Variants in CLDN10 observed in about 807,000 individuals in gnomAD.
CLDN10 encodes the protein claudin-10.
Under a neutral mutation model 22.9 loss-of-function variants are expected in CLDN10, and 15 were observed. The observed-to-expected ratio is 0.65, with a 90% CI of 0.44 to 1.01. The LOEUF (loss-of-function observed/expected upper bound fraction) is 1.01, where lower values mean the gene tolerates loss of function less well. Ranked by LOEUF, CLDN10 falls within the 50% of genes least tolerant of loss-of-function variation. The pLI, the probability that CLDN10 is intolerant of heterozygous loss-of-function variation, is 0.00. For missense variants in CLDN10, 247 were observed against 287.8 expected, an observed-to-expected ratio of 0.86 and a Z score of 1.03; for synonymous variants, 114 against 111.4, an observed-to-expected ratio of 1.02 and a Z score of -0.15.
At chr13:95,540,301 AAAATAAATAAATAAAT>A (rs57019843) in intron 1 of CLDN10, among the ~76,000 whole-genome samples, 12 of 142,830 alleles carry the variant, frequency 8.4e-5, no homozygotes, top group South Asian at 2.4e-4. Context: ...CTCTGTCTCA[AAAATAAATAAATAAAT>A]AAATAAATAA....
chr13:95,463,968 G>A (rs2042561142), intron 1 of CLDN10, among the ~76,000 whole-genome samples: 2 of 151,946 alleles, frequency 1.3e-5, no homozygotes, highest in Admixed American at 1.3e-4. Context: ...AAGGTTATTG[G>A]AGCAAGTTTA....
chr13:95,520,730 C>A (rs950526181), intron 1 of CLDN10, among the ~76,000 whole-genome samples: 1 of 152,138 alleles, frequency 6.6e-6, no homozygotes, highest in Non-Finnish European at 1.5e-5. Flanking sequence ...CACCTGTAAT[C>A]CCAGCACATT....
At chr13:95,503,040 C>T (rs1461908384) in intron 1 of CLDN10, among the ~76,000 whole-genome samples, 3 of 152,180 alleles carry the variant, frequency 2.0e-5, no homozygotes, top group African/African-American at 7.2e-5. Context: ...TTGGCTCTAT[C>T]TTGTGGTAGG....
Position 95,560,481 on chromosome 13 carries a change from T to C in CLDN10, c.464+18T>C. On this transcript the variant is annotated intron_variant, in intron 3 of 4. Transcript: ENST00000299339. ...GAGCAAAAGTAAGTACTCTTCTCAGTCTGTTTCCAGCTCACAGGAAGTGTA... is the reference window on the plus strand; with the variant it reads ...GAGCAAAAGTAAGTACTCTTCTCAGCCTGTTTCCAGCTCACAGGAAGTGTA... 1 of 1,578,448 alleles carries C rather than the reference T, an allele frequency of 6.3e-7. No individual in the cohort carries two copies. The highest frequency in any genetic ancestry group is 8.7e-7 in the Non-Finnish European group (1 of 1,148,074).
At chr13:95,544,235 T>C (rs147948545) in intron 1 of CLDN10, among the ~76,000 whole-genome samples, 2 of 152,354 alleles carry the variant, frequency 1.3e-5, no homozygotes, top group East Asian at 3.9e-4. Flanking sequence ...AAGTCAAGAA[T>C]AAACAGAGTA....
chr13:95,502,885 G>T (rs1307200425), intron 1 of CLDN10, among the ~76,000 whole-genome samples: 3 of 152,142 alleles, frequency 2.0e-5, no homozygotes, highest in Non-Finnish European at 4.4e-5. Flanking sequence ...TCAGTAAAAA[G>T]GTCTTCAGCA....
At chr13:95,478,184 T>A (rs2042704095) in intron 1 of CLDN10, among the ~76,000 whole-genome samples, 2 of 151,886 alleles carry the variant, frequency 1.3e-5, no homozygotes, top group African/African-American at 4.8e-5. Context: ...GGTGCATGCC[T>A]GTAGTCCCAG....
At chr13:95,523,437 C>T (rs898557358) in intron 1 of CLDN10, among the ~76,000 whole-genome samples, 3 of 152,186 alleles carry the variant, frequency 2.0e-5, no homozygotes, top group Admixed American at 6.5e-5. Flanking sequence ...AGTTTACTCA[C>T]ACATTTGCTA....
At chr13:95,576,688 A>T (rs1220231249) in intron 3 of CLDN10, among the ~76,000 whole-genome samples, 2 of 152,172 alleles carry the variant, frequency 1.3e-5, no homozygotes, top group Non-Finnish European at 2.9e-5. Context: ...GAGCACTGTC[A>T]CCTGCCATAT....
chr13:95,549,477 G>A (rs1325852481), upstream of CLDN10, among the ~76,000 whole-genome samples: 2 of 152,080 alleles, frequency 1.3e-5, no homozygotes, highest in Non-Finnish European at 2.9e-5. Flanking sequence ...TTATTTTCTG[G>A]ACATTCTTTT....
intron 1 of CLDN10, among the ~76,000 whole-genome samples, chr13:95,444,696 C>T (rs1411309120): frequency 2.6e-5 from 4 of 152,184 alleles, no homozygotes; most frequent in Admixed American, 1.3e-4. Flanking sequence ...AAATTATTAA[C>T]TGCATGTTTC....
chr13:95,457,045 C>T (rs539519480), intron 1 of CLDN10, among the ~76,000 whole-genome samples: 27 of 152,270 alleles, frequency 1.8e-4, no homozygotes, highest in Non-Finnish European at 3.7e-4. Flanking sequence ...AAAAGCACTT[C>T]CTCCCACAGC....
In CLDN10 at chr13:95,552,866, C is replaced by A. The variant is rs1280008667; in HGVS notation, c.113C>A (p.Thr38Lys). Reference protein sequence around the residue: ...DYWKVSTIDGTVITTATYWAN... With the variant: ...DYWKVSTIDGKVITTATYWAN... ...TGGAAGGTGTCTACCATCGACGGCA[C>A]GGTCATCACAACCGCCACCTATTGG... Residue 38 changes from threonine (T) to lysine (K), a missense_variant, in exon 1 of 5, where the codon ACG (threonine) becomes AAG (lysine). Transcript: ENST00000299339. 12 of 1,614,014 alleles carry A rather than the reference C, an allele frequency of 7.4e-6. No homozygotes were observed. Among genetic ancestry groups the A allele is most frequent in the African/African-American group, 1.3e-5 (1 of 74,934 alleles).
intron 1 of CLDN10, among the ~76,000 whole-genome samples, chr13:95,484,271 A>G (rs890861414): frequency 6.6e-6 from 1 of 152,106 alleles, no homozygotes; most frequent in Non-Finnish European, 1.5e-5. Context: ...CTGGGGCCTG[A>G]TGTCCTTCAC....
chr13:95,560,563 A>G (rs1339816806), intron 3 of CLDN10, 100 bp downstream of exon 3: 6 of 887,742 alleles, frequency 6.8e-6, no homozygotes, highest in Admixed American at 2.3e-5. Context: ...TTTTGAAAGT[A>G]AGACATACTG....
chr13:95,558,001 C>T (rs996447166), intron 1 of CLDN10, among the ~76,000 whole-genome samples: 2 of 152,066 alleles, frequency 1.3e-5, no homozygotes, highest in Admixed American at 6.5e-5. Context: ...ATGGAAGTAA[C>T]TAAAGGCAAT....
chr13:95,505,970 C>T (rs2043034411), intron 1 of CLDN10, among the ~76,000 whole-genome samples: 2 of 152,074 alleles, frequency 1.3e-5, no homozygotes, highest in Admixed American at 1.3e-4. Context: ...GAACTCCTGA[C>T]CTCTGGTGAT....
At chr13:95,445,787 CA>C (rs2042370137) in intron 1 of CLDN10, among the ~76,000 whole-genome samples, 1 of 151,990 alleles carries the variant, frequency 6.6e-6, no homozygotes, top group South Asian at 2.1e-4. Flanking sequence ...ATGTCTAATA[CA>C]AGAGGAAAAT....
At chr13:95,466,074 T>C (rs1271345091) in intron 1 of CLDN10, among the ~76,000 whole-genome samples, 1 of 151,740 alleles carries the variant, frequency 6.6e-6, no homozygotes, top group Non-Finnish European at 1.5e-5. Context: ...TTTTATGTTA[T>C]ATATATTTTA....
Sources: gnomAD v4.1 joint callset for allele counts (sites outside exome capture counted in the v4.1 genomes callset) on GRCh38, gnomAD v4.1.1 for gene constraint, MANE v1.5 for transcripts, NCBI Gene and HGNC (gene_info 2026-07-23, HGNC 2026-07-21) for gene names.